The following ABCA12 variants were observed in gnomAD, a reference collection of about 807,000 sequenced individuals.
ABCA12 encodes the protein ATP binding cassette subfamily A member 12.
A neutral mutation model predicts 293.5 loss-of-function variants in ABCA12; 156 were observed. That is an observed-to-expected ratio of 0.53 (90% CI 0.47 to 0.61). ABCA12 has a LOEUF of 0.61. ABCA12 is among the 20% of genes least tolerant of loss of function. The pLI, the probability that ABCA12 is intolerant of heterozygous loss-of-function variation, is 0.00. For synonymous variants in ABCA12, 1,063 were observed against 1,108.0 expected, an observed-to-expected ratio of 0.96 and a Z score of 0.81; for missense variants, 2,797 against 3,090.2, an observed-to-expected ratio of 0.91 and a Z score of 2.25.
At chr2:215,134,608 TATATATATAG>T (rs1298984374) in intron 1 of ABCA12, among the ~76,000 whole-genome samples, 3 of 93,106 alleles carry the variant, frequency 3.2e-5, no homozygotes, top group South Asian at 3.3e-4. Flanking sequence ...TCTATATATA[TATATATATAG>T]AGAGAGAGAG....
chr2:214,948,010 T>C (rs1698635662), intron 47 of ABCA12: 1 of 200,182 alleles, frequency 5.0e-6, no homozygotes, highest in African/African-American at 2.4e-5. Context: ...CGTTAGCACA[T>C]TAGGAATCAT....
In ABCA12 at chr2:214,978,499, T is replaced by A. The variant is rs370904959; in HGVS notation, c.4978-33A>T. 8.7e-6 allele frequency: 14 copies of A among 1,607,262 alleles called. No individual in the cohort carries two copies. In the African/African-American group the frequency reaches 1.7e-4, roughly 20 times the overall value. On this transcript the variant is annotated intron_variant, in intron 32 of 52. Transcript: ENST00000272895. ...GAGAAGCCAGATCACTTCATTAACA[T>A]GAAAAGTGCATGTCTTTTCTCATTT... is the stretch of plus-strand genomic sequence containing the variant.
At chr2:215,064,767 C>T (rs1331309002) in intron 2 of ABCA12, among the ~76,000 whole-genome samples, 2 of 151,056 alleles carry the variant, frequency 1.3e-5, no homozygotes, top group Non-Finnish European at 3.0e-5. Flanking sequence ...GATTGTATCA[C>T]CAAAATTTGA....
In ABCA12 at chr2:215,010,319, T is replaced by G. The variant is rs1172219486; in HGVS notation, c.2472+12A>C. The G allele has an allele frequency of 6.2e-7, 1 of 1,613,412 alleles. No homozygotes were observed. Among genetic ancestry groups the G allele is most frequent in the Non-Finnish European group, 8.5e-7 (1 of 1,179,542 alleles). ...AATAGTCAAAATAGAAACTGAGTTA[T>G]AATGGTCAAACCTTTTCCATTATTG... On this transcript the variant is annotated intron_variant, in intron 18 of 52. Transcript: ENST00000272895.
At chr2:214,989,527 C>T (rs772217534) in intron 25 of ABCA12, 25 bp downstream of exon 25, 11 of 1,613,936 alleles carry the variant, frequency 6.8e-6, no homozygotes, top group Non-Finnish European at 9.3e-6. Flanking sequence ...AAGATAAAAT[C>T]CAGTTTTAAA....
Position 215,018,075 on chromosome 2 carries a change from G to A in ABCA12, c.1715C>T (p.Thr572Ile), listed in dbSNP as rs1247132596. 1.2e-6 allele frequency: 2 copies of A among 1,613,956 alleles called. No homozygotes were observed. Among genetic ancestry groups the A allele is most frequent in the African/African-American group, 1.3e-5 (1 of 74,924 alleles). Residue 572 changes from threonine (T) to isoleucine (I), a missense_variant, in exon 14 of 53, where the codon ACA becomes ATA. Physicochemically the swap from Thr to Ile is moderately conservative, Grantham distance 89. Around this residue, in one of 3 missense-constraint regions of ABCA12, gnomAD observed 656 missense variants for 638.2 expected, o/e 1.03. Coordinates refer to ENST00000272895, the MANE Select transcript of ABCA12 (RefSeq NM_173076.3). ...AATAGTCCTGTTGGACATTCCTGTT[G>A]TTCTCCTTAAATCTTCTTTCAGCTC... is the stretch of plus-strand genomic sequence containing the variant. Reference protein sequence around the residue: ...VEELKEDLRRTTGMSNRTIDK... With the variant: ...VEELKEDLRRITGMSNRTIDK...
At chr2:214,971,166 G>A (rs1221322861) in intron 36 of ABCA12, among the ~76,000 whole-genome samples, 1 of 152,008 alleles carries the variant, frequency 6.6e-6, no homozygotes, top group Non-Finnish European at 1.5e-5. Flanking sequence ...TTTAGTATGG[G>A]AAAAGTCTAG....
chr2:215,059,763 C>T (rs4324319), intron 3 of ABCA12, among the ~76,000 whole-genome samples: 48,481 of 151,660 alleles, frequency 0.32, 8,310 homozygotes, highest in Middle Eastern at 0.4. Flanking sequence ...TTATGTTCTA[C>T]CTAACCATGA....
At chr2:214,941,972 G>A (rs1309115902) in intron 50 of ABCA12, among the ~76,000 whole-genome samples, 1 of 152,004 alleles carries the variant, frequency 6.6e-6, no homozygotes, top group East Asian at 1.9e-4. Flanking sequence ...GGTTAATATT[G>A]TTATGTGTGA....
At chr2:214,933,049 T>G (rs922414759) in intron 52 of ABCA12, among the ~76,000 whole-genome samples, 1 of 152,162 alleles carries the variant, frequency 6.6e-6, no homozygotes, top group Non-Finnish European at 1.5e-5. Flanking sequence ...ATTTCTGCAT[T>G]CATATGACCT....
chr2:215,018,719 T>A (rs562445589), intron 13 of ABCA12, among the ~76,000 whole-genome samples: 3 of 152,258 alleles, frequency 2.0e-5, no homozygotes, highest in Non-Finnish European at 4.4e-5. Flanking sequence ...ATAAACAATA[T>A]TTAGATTTTA....
chr2:215,040,044 C>T (rs998943957), intron 7 of ABCA12, among the ~76,000 whole-genome samples: 1 of 152,036 alleles, frequency 6.6e-6, no homozygotes, highest in African/African-American at 2.4e-5. Flanking sequence ...TGTTAACATA[C>T]TAAAAAGTAT....
At chr2:215,031,765 TTTGA>T (rs1700882459) in intron 9 of ABCA12, 52 bp downstream of exon 9, 12 of 1,604,458 alleles carry the variant, frequency 7.5e-6, no homozygotes, top group Non-Finnish European at 1.0e-5. Context: ...TAGAAATTGT[TTTGA>T]TTGTTTATTC....
chr2:215,048,595 C>T (rs1000142296), intron 6 of ABCA12, among the ~76,000 whole-genome samples: 3 of 151,510 alleles, frequency 2.0e-5, no homozygotes, highest in African/African-American at 7.3e-5. Flanking sequence ...CCCAGCTAGT[C>T]GGGAGGCTGA....
intron 27 of ABCA12, 44 bp downstream of exon 27, chr2:214,987,603 C>A (rs375871551): frequency 1.3e-6 from 2 of 1,581,824 alleles, no homozygotes; most frequent in South Asian, 1.2e-5. Flanking sequence ...AATTTCATAT[C>A]ATTTCTCTCA....
intron 1 of ABCA12, among the ~76,000 whole-genome samples, chr2:215,127,649 CT>C (rs1559209763): frequency 6.6e-6 from 1 of 152,066 alleles, no homozygotes; most frequent in African/African-American, 2.4e-5. Flanking sequence ...CATGAAATGC[CT>C]TTTTCCACCC....
chr2:215,138,341 G>A lies in ABCA12; in HGVS notation c.-133C>T, dbSNP rs1703276333. 1 of 952,494 alleles carries A rather than the reference G, an allele frequency of 1.0e-6. No homozygotes were observed. Among genetic ancestry groups the A allele is most frequent in the Non-Finnish European group, 1.7e-6 (1 of 588,174 alleles). The allele number at this position is 952,494 out of a possible 1,614,324, so 59.0% of individuals were successfully genotyped here. On this transcript the variant is annotated 5_prime_UTR_variant, in exon 1 of 53. Transcript: ENST00000272895. ...CACGGCATAGCTTCCTTGAGGGCTG[G>A]GGTAAGAAACCCACAGTTCTTCTGT... is the stretch of plus-strand genomic sequence containing the variant.
intron 39 of ABCA12, among the ~76,000 whole-genome samples, chr2:214,959,816 G>A (rs1699063555): frequency 6.6e-6 from 1 of 152,084 alleles, no homozygotes; most frequent in Non-Finnish European, 1.5e-5. Flanking sequence ...CCCTTCCTTA[G>A]GGGACCTTGG....
At chr2:215,104,475 A>G (rs943114206) in intron 2 of ABCA12, among the ~76,000 whole-genome samples, 1 of 152,120 alleles carries the variant, frequency 6.6e-6, no homozygotes, top group Non-Finnish European at 1.5e-5. Context: ...CATCCCTGTG[A>G]GTGATGCAGC....
Sources: gnomAD v4.1 joint callset for allele counts (sites outside exome capture counted in the v4.1 genomes callset) on GRCh38, gnomAD v4.1.1 for gene constraint, gnomAD v4.1.1 regional missense constraint, MANE v1.5 for transcripts, NCBI Gene and HGNC (gene_info 2026-07-23, HGNC 2026-07-21) for gene names.